Variants in USP24 observed in about 807,000 individuals in gnomAD.
USP24 encodes ubiquitin carboxyl-terminal hydrolase 24.
Under a neutral mutation model 361.6 loss-of-function variants are expected in USP24, and 97 were observed. The observed-to-expected ratio is 0.27, with a 90% CI of 0.23 to 0.32. The LOEUF (loss-of-function observed/expected upper bound fraction) is 0.32. Ranked by LOEUF, USP24 falls within the 10% of genes least tolerant of loss-of-function variation. The pLI is 1.00. For synonymous variants in USP24, 1,098 were observed against 1,124.6 expected, an observed-to-expected ratio of 0.98 and a Z score of 0.47; for missense variants, 2,353 against 3,165.6, an observed-to-expected ratio of 0.74 and a Z score of 6.16.
intron 30 of USP24, among the ~76,000 whole-genome samples, chr1:55,133,369 G>A (rs1646644850): frequency 6.6e-6 from 1 of 152,090 alleles, no homozygotes; most frequent in South Asian, 2.1e-4. Flanking sequence ...TAGCAACTCA[G>A]ACATACGCAA....
intron 1 of USP24, among the ~76,000 whole-genome samples, chr1:55,187,097 G>A (rs1266111492): frequency 1.3e-5 from 2 of 151,904 alleles, no homozygotes; most frequent in African/African-American, 4.8e-5. Flanking sequence ...AGGAATCAAG[G>A]TAGGTTTAGT....
In USP24 at chr1:55,068,918, G is replaced by T; in HGVS notation, c.*127C>A. 2 of 1,015,770 alleles carry T rather than the reference G, an allele frequency of 2.0e-6. No individual in the cohort carries two copies. The highest frequency in any genetic ancestry group is 1.5e-6 in the Non-Finnish European group (1 of 671,184). 62.9% of individuals were successfully genotyped at this position (1,015,770 alleles called of 1,614,324 possible). A position where few individuals can be genotyped will look rare whatever the true frequency, so the allele number is the denominator to read the frequency against. ...GCTTTCCTTGAGAAATACACGATCC[G>T]CCCAAGTCACAGCAGCTTTCCCAGT... On this transcript the variant is annotated 3_prime_UTR_variant, in exon 68 of 68. Transcript: ENST00000294383.
chr1:55,204,675 T>C (rs1482822643), intron 1 of USP24, among the ~76,000 whole-genome samples: 3 of 152,214 alleles, frequency 2.0e-5, no homozygotes, highest in African/African-American at 7.2e-5. Flanking sequence ...GCATAAGAAA[T>C]CAACCAGCCT....
In USP24 at chr1:55,112,890, TGG is replaced by T. The variant is rs1445867052; in HGVS notation, c.4509-2646_4509-2645del. Among the ~76,000 whole-genome samples, 5 of 152,314 alleles carry T rather than the reference TGG, an allele frequency of 3.3e-5. No individual in the cohort carries two copies. The East Asian group carries it at 9.7e-4, about 29-fold the overall frequency. ...GTTAAAGTCTCCCACTATTATTGTG[TGG>T]GAGTCGAAGTCTCTTTGTAGGTCTC... On this transcript the variant is annotated intron_variant, in intron 38 of 67. Transcript: ENST00000294383.
chr1:55,120,487 G>T, intron 38 of USP24, 109 bp downstream of exon 38: 1 of 1,291,314 alleles, frequency 7.7e-7, no homozygotes, highest in Admixed American at 3.3e-5. Context: ...GAAGAAGAAA[G>T]AAATTCTAGT....
intron 55 of USP24, 48 bp from the exon 56 acceptor site, chr1:55,086,086 A>C (rs1439280776): frequency 1.3e-6 from 2 of 1,554,926 alleles, no homozygotes; most frequent in South Asian, 2.2e-5. Context: ...ACATTTCCAC[A>C]ACCTCAACCT....
At chr1:55,091,392 T>A (rs564114590) in intron 54 of USP24, among the ~76,000 whole-genome samples, 4 of 152,184 alleles carry the variant, frequency 2.6e-5, no homozygotes, top group Admixed American at 2.6e-4. Flanking sequence ...AACCCTCCCT[T>A]TTGTGGAAAA....
intron 32 of USP24, among the ~76,000 whole-genome samples, chr1:55,126,860 T>C (rs892787124): frequency 1.8e-4 from 27 of 152,312 alleles, no homozygotes; most frequent in South Asian, 1.5e-3. Context: ...TGAGCTGGTG[T>C]CCATGCCTAC....
rs374400566 is a variant in USP24, at chr1:55,193,734, A to G, written c.325-15602T>C. On this transcript the variant is annotated intron_variant, in intron 1 of 67. Transcript: ENST00000294383. ...AGGAACAGCACTAGTAACTATGGAA[A>G]AGTGTACATATATTATAATTTAATT... 1.4e-4 allele frequency among the ~76,000 whole-genome samples: 21 copies of G among 152,290 alleles called. No individual in the cohort carries two copies. In the East Asian group the frequency reaches 3.3e-3, roughly 24 times the overall value.
intron 10 of USP24, 29 bp downstream of exon 10, chr1:55,158,847 TAA>T (rs1647970424): frequency 2.1e-6 from 3 of 1,433,808 alleles, no homozygotes; most frequent in African/African-American, 1.4e-5. Context: ...ATCTGTGCAT[TAA>T]GTCTTGTAGA....
intron 44 of USP24, 36 bp downstream of exon 44, chr1:55,100,803 A>G: frequency 6.4e-7 from 1 of 1,559,804 alleles, no homozygotes; most frequent in Non-Finnish European, 8.6e-7. Context: ...CAAATATTTA[A>G]CATCTTTAAA....
chr1:55,162,352 A>G (rs1648378608), intron 7 of USP24, 88 bp from the exon 8 acceptor site: 1 of 1,220,132 alleles, frequency 8.2e-7, no homozygotes, highest in Non-Finnish European at 1.1e-6. Context: ...TGTATCAGAG[A>G]AAAGTTTAAA....
Position 55,125,566 on chromosome 1 carries a change from A to G in USP24, c.3732-18T>C. The stretch of plus-strand genomic sequence containing the variant: ...GTAAAAATCTTAAAAAGAAACAGCT[A>G]GACTTATTCTGAGTCCATTCATACT... On this transcript the variant is annotated intron_variant, in intron 33 of 67. Coordinates refer to ENST00000294383, the MANE Select transcript of USP24 (RefSeq NM_015306.3). 1 of 1,603,960 alleles carries G rather than the reference A, an allele frequency of 6.2e-7. No homozygotes were observed. The highest frequency in any genetic ancestry group is 8.5e-7 in the Non-Finnish European group (1 of 1,173,812).
At chr1:55,072,754 G>A in intron 65 of USP24, 32 bp downstream of exon 65, 1 of 1,560,452 alleles carries the variant, frequency 6.4e-7, no homozygotes, top group Non-Finnish European at 8.7e-7. Flanking sequence ...TGATTCCTAT[G>A]TTACAGCTAG....
rs1320657920 is a variant in USP24, at chr1:55,215,048, G to T, written c.66C>A (p.Thr22=). ...LLCMGFSDPA[T]IRKALRLAKN... ...TGGCCAGGCGCAGGGCCTTGCGGAT[G>T]GTGGCGGGGTCTGAGAAGCCCATGC... Residue 22 remains threonine (T), a synonymous_variant, in exon 1 of 68, where the codon ACC becomes ACA. Coordinates refer to ENST00000294383, the MANE Select transcript of USP24 (RefSeq NM_015306.3). 2 of 1,467,112 alleles carry T rather than the reference G, an allele frequency of 1.4e-6. No homozygotes were observed. Among genetic ancestry groups the T allele is most frequent in the South Asian group, 2.6e-5 (2 of 75,490 alleles). The allele number at this position is 1,467,112 out of a possible 1,614,324, so 90.9% of individuals were successfully genotyped here.
chr1:55,082,361 G>A (rs374963392), intron 58 of USP24, among the ~76,000 whole-genome samples: 9 of 152,170 alleles, frequency 5.9e-5, no homozygotes, highest in Admixed American at 2.0e-4. Flanking sequence ...GTGACCAGTC[G>A]TATCAAGTAC....
At chr1:55,111,776 T>C (rs546586212) in intron 38 of USP24, among the ~76,000 whole-genome samples, 13 of 152,266 alleles carry the variant, frequency 8.5e-5, no homozygotes, top group African/African-American at 3.1e-4. Context: ...TCACTCACAA[T>C]GACCTCATCT....
chr1:55,134,128 A>T lies in USP24; in HGVS notation c.3323T>A (p.Ile1108Lys). Residue 1108 changes from isoleucine to lysine, a missense_variant, in exon 30 of 68, where the codon ATA becomes AAA. Transcript: ENST00000294383. ...TLRVRKLLLL[I>K]PTDPAIQEAL... ...TTCCTGAATGGCTGGATCAGTGGGT[A>T]TCAAGAGCAGAAGCTTCCGTACTCG... is the stretch of plus-strand genomic sequence containing the variant. The T allele has an allele frequency of 6.2e-7, 1 of 1,613,824 alleles. No homozygotes were observed. The highest frequency in any genetic ancestry group is 8.5e-7 in the Non-Finnish European group (1 of 1,179,800).
At chr1:55,204,859 A>G (rs966280386) in intron 1 of USP24, among the ~76,000 whole-genome samples, 28 of 152,222 alleles carry the variant, frequency 1.8e-4, no homozygotes, top group African/African-American at 6.0e-4. Context: ...TATAATGCCT[A>G]TTCTTACCAT....
Sources: allele counts gnomAD v4.1 joint callset (sites outside exome capture counted in the v4.1 genomes callset), GRCh38; gene constraint gnomAD v4.1.1; transcripts MANE v1.5; gene names NCBI Gene and HGNC (gene_info 2026-07-23, HGNC 2026-07-21).